The following CDH4 variants were observed in gnomAD, a reference collection of about 807,000 sequenced individuals.
CDH4 encodes cadherin 4.
Under a neutral mutation model 86.0 loss-of-function variants are expected in CDH4, and 33 were observed. The ratio of observed to expected loss-of-function variants is 0.38; its 90% confidence interval spans 0.29 to 0.51. CDH4 has a LOEUF of 0.51. CDH4 is among the 20% of genes least tolerant of loss of function. The pLI is 0.86. For missense variants in CDH4, 1,114 were observed against 1,307.4 expected, an observed-to-expected ratio of 0.85 and a Z score of 2.28; for synonymous variants, 555 against 549.4, an observed-to-expected ratio of 1.01 and a Z score of -0.14.
At chr20:61,399,681 T>A (rs945664762) in intron 2 of CDH4, among the ~76,000 whole-genome samples, 1 of 152,224 alleles carries the variant, frequency 6.6e-6, no homozygotes, top group African/African-American at 2.4e-5. Context: ...CACGTCCACC[T>A]GCCCATCCAT....
intron 2 of CDH4, among the ~76,000 whole-genome samples, chr20:61,712,857 T>A (rs888582844): frequency 1.3e-5 from 2 of 151,648 alleles, no homozygotes; most frequent in African/African-American, 2.4e-5. Flanking sequence ...CCCAGGAGAG[T>A]GAAAGCTCTG....
chr20:61,866,650 C>T (rs2146137312), intron 6 of CDH4, among the ~76,000 whole-genome samples: 1 of 152,332 alleles, frequency 6.6e-6, no homozygotes, highest in Middle Eastern at 3.4e-3. Flanking sequence ...AAGAGGGCTA[C>T]ACCCCAGCGT....
At chr20:61,274,480 G>T (rs1419184535) in intron 2 of CDH4, among the ~76,000 whole-genome samples, 3 of 147,944 alleles carry the variant, frequency 2.0e-5, no homozygotes, top group Non-Finnish European at 3.0e-5. Flanking sequence ...TGCAGTTTAG[G>T]GGAGTACCGT....
chr20:61,734,886 C>A (rs2088241521), intron 2 of CDH4, among the ~76,000 whole-genome samples: 1 of 152,246 alleles, frequency 6.6e-6, no homozygotes, highest in Non-Finnish European at 1.5e-5. Context: ...GAATCTCCCT[C>A]CTGAGTCCCC....
intron 8 of CDH4, among the ~76,000 whole-genome samples, chr20:61,909,143 G>A (rs146506317): frequency 8.5e-5 from 13 of 152,294 alleles, no homozygotes; most frequent in Non-Finnish European, 1.8e-4. Flanking sequence ...CAGGACACAG[G>A]GGCTTCCCAC....
rs1390806395 is a variant in CDH4 at position 61,810,318 on chromosome 20, C to T, written c.577-34350C>T. 2.0e-5 allele frequency among the ~76,000 whole-genome samples: 3 copies of T among 152,208 alleles called. No individual in the cohort carries two copies. In the East Asian group the frequency reaches 5.8e-4, roughly 29 times the overall value. Reference sequence around the variant, plus strand: ...AGTCGGGGCGGCTGTGCCAGGCTGTCGTCCCCCCCATGAGCCTGCTGTGTG... The same window carrying T: ...AGTCGGGGCGGCTGTGCCAGGCTGTTGTCCCCCCCATGAGCCTGCTGTGTG... On this transcript the variant is annotated intron_variant, in intron 4 of 15. Transcript: ENST00000614565. The surrounding 1 kb of genome is among the most constrained non-coding windows in gnomAD (Gnocchi z 4.3).
intron 2 of CDH4, among the ~76,000 whole-genome samples, chr20:61,673,361 C>T (rs1227466399): frequency 3.9e-5 from 6 of 152,182 alleles, no homozygotes; most frequent in Non-Finnish European, 1.5e-5. Context: ...CACCTGCTTC[C>T]GGGGCAATCT....
chr20:61,365,394 G>A (rs2084806009), intron 2 of CDH4, among the ~76,000 whole-genome samples: 1 of 152,188 alleles, frequency 6.6e-6, no homozygotes, highest in Non-Finnish European at 1.5e-5. Context: ...TCCATCACGG[G>A]AGGGACGGGG....
intron 2 of CDH4, among the ~76,000 whole-genome samples, chr20:61,692,522 C>T (rs969176877): frequency 6.6e-6 from 1 of 152,220 alleles, no homozygotes; most frequent in African/African-American, 2.4e-5. Flanking sequence ...AAAGTCCTGG[C>T]CTCTTAAATC....
chr20:61,591,779 G>T (rs964222676), intron 2 of CDH4, among the ~76,000 whole-genome samples: 1 of 152,114 alleles, frequency 6.6e-6, no homozygotes, highest in African/African-American at 2.4e-5. Flanking sequence ...ATATGCAATT[G>T]GTTTTCTGAA....
intron 2 of CDH4, among the ~76,000 whole-genome samples, chr20:61,358,430 C>T (rs1216186722): frequency 6.6e-6 from 1 of 152,214 alleles, no homozygotes; most frequent in African/African-American, 2.4e-5. Context: ...ATCCCCAATG[C>T]CTAGTAGAGG....
At chr20:61,844,965 G>C in intron 5 of CDH4, 142 bp downstream of exon 5, 1 of 854,482 alleles carries the variant, frequency 1.2e-6, no homozygotes, top group East Asian at 2.8e-5. Flanking sequence ...GCAGAATCCT[G>C]GGAAGCTGGG....
rs956883348 is a variant in CDH4, at chr20:61,829,423, C to G, written c.577-15245C>G. On this transcript the variant is annotated intron_variant, in intron 4 of 15. Transcript: ENST00000614565. This position sits in a 1 kb window ranked among gnomAD's most constrained non-coding sequence, Gnocchi z 4.2. Reference sequence around the variant, plus strand: ...GCAGCTGACAGACACTTGGCGGTTGCACTTTGGGGCTGTTGTCAGTGTGCT... The same window carrying G: ...GCAGCTGACAGACACTTGGCGGTTGGACTTTGGGGCTGTTGTCAGTGTGCT... Among the ~76,000 whole-genome samples the G allele has an allele frequency of 1.4e-4, 21 of 152,234 alleles. No individual in the cohort carries two copies. The highest frequency in any genetic ancestry group is 5.1e-4 in the African/African-American group (21 of 41,464).
chr20:61,631,637 C>G (rs1306436690), intron 2 of CDH4, among the ~76,000 whole-genome samples: 1 of 152,154 alleles, frequency 6.6e-6, no homozygotes, highest in Non-Finnish European at 1.5e-5. Flanking sequence ...AAGCAAAACT[C>G]CATCTCTAAA....
In CDH4 at chr20:61,852,754, C is replaced by G. The variant is rs759254193; in HGVS notation, c.733C>G (p.Leu245Val). 4.5e-5 allele frequency: 72 copies of G among 1,608,816 alleles called. No individual in the cohort carries two copies. Among genetic ancestry groups the G allele is most frequent in the Admixed American group, 3.9e-4 (23 of 59,582 alleles). Residue 245 changes from leucine to valine, a missense_variant and splice_region_variant, in exon 6 of 16, where the codon CTC (leucine) becomes GTC (valine). By Grantham distance (32) the Leu-to-Val change is conservative. Around this residue, in one of 3 missense-constraint regions of CDH4, gnomAD observed 705 missense variants for 914.1 expected, o/e 0.77. Transcript: ENST00000614565. ...GGCCCTGTCTCTGCTGCTTTTCCAG[C>G]TCCGAGCCCACGCTGTGGACATGAA... is the stretch of plus-strand genomic sequence containing the variant. ...MDREEHASYH[L>V]RAHAVDMNGN...
At chr20:61,677,907 G>GAT (rs2087463218) in intron 2 of CDH4, among the ~76,000 whole-genome samples, 5 of 151,986 alleles carry the variant, frequency 3.3e-5, no homozygotes, top group African/African-American at 4.8e-5. Flanking sequence ...ATAAATGATA[G>GAT]GTGATAGATA....
chr20:61,909,867 G>A (rs1373574775), intron 8 of CDH4, among the ~76,000 whole-genome samples: 1 of 152,240 alleles, frequency 6.6e-6, no homozygotes, highest in Non-Finnish European at 1.5e-5. Context: ...CAGTACAGGT[G>A]GAAACTTTGG....
rs184274695 is a variant in CDH4 at position 61,390,223 on chromosome 20, A to G, written c.169+135286A>G. Among the ~76,000 whole-genome samples, 28 of 145,482 alleles carry G rather than the reference A, an allele frequency of 1.9e-4. No homozygotes were observed. In the East Asian group the frequency reaches 6.1e-3, roughly 32 times the overall value. The stretch of plus-strand genomic sequence containing the variant: ...GAGATCGTGCGGTCATAGGGTGCCC[A>G]TAGCACCATGTCTAGGAAACCCCAA... On this transcript the variant is annotated intron_variant, in intron 2 of 15. Coordinates refer to ENST00000614565, the MANE Select transcript of CDH4 (RefSeq NM_001794.5).
chr20:61,928,807 G>A (rs895112814), intron 12 of CDH4, among the ~76,000 whole-genome samples: 1 of 152,172 alleles, frequency 6.6e-6, no homozygotes, highest in Non-Finnish European at 1.5e-5. Flanking sequence ...CTCAAGTTTT[G>A]GCAGTACTGT....
Sources: allele counts gnomAD v4.1 joint callset (sites outside exome capture counted in the v4.1 genomes callset), GRCh38; gene constraint gnomAD v4.1.1; regional missense constraint gnomAD v4.1.1; non-coding constraint Gnocchi (gnomAD v3.1); transcripts MANE v1.5; gene names NCBI Gene and HGNC (gene_info 2026-07-23, HGNC 2026-07-21).